Variants in MED12L observed in about 807,000 individuals in gnomAD.
The protein encoded by MED12L is mediator complex subunit 12L, also known as mediator of RNA polymerase II transcription subunit 12-like protein.
MED12L carries 60 observed loss-of-function variants against 281.3 expected under a neutral mutation model. The ratio of observed to expected loss-of-function variants is 0.21; its 90% CI spans 0.17 to 0.26. MED12L has a LOEUF of 0.26. Ranked by LOEUF, MED12L falls within the 10% of genes least tolerant of loss-of-function variation. The probability of loss-of-function intolerance (pLI) is 1.00; values close to 1 mark genes in which losing one functional copy is unlikely to be tolerated. For synonymous variants in MED12L, 974 were observed against 987.2 expected (o/e 0.99, Z 0.25); for missense variants, 2,146 against 2,680.9 (o/e 0.80, Z 4.41).
intron 5 of MED12L, among the ~76,000 whole-genome samples, chr3:151,143,725 G>A (rs1018958015): frequency 3.3e-5 from 5 of 152,120 alleles, no homozygotes; most frequent in African/African-American, 1.2e-4. Context: ...GCACAGAGGT[G>A]TGTTCTCTAC....
chr3:151,168,919 G>T (rs772434332), intron 11 of MED12L, among the ~76,000 whole-genome samples: 4 of 152,200 alleles, frequency 2.6e-5, no homozygotes, highest in Non-Finnish European at 5.9e-5. Context: ...TGCCTCAAGT[G>T]ATCCATCTGC....
At chr3:151,329,891 A>C (rs189295895) in intron 16 of MED12L, among the ~76,000 whole-genome samples, 25 of 152,282 alleles carry the variant, frequency 1.6e-4, no homozygotes, top group Non-Finnish European at 8.8e-5. Context: ...AATCAGACAG[A>C]ATAATCTTCT....
At chr3:151,372,855 G>A in intron 27 of MED12L, 89 bp downstream of exon 27, 3 of 953,218 alleles carry the variant, frequency 3.1e-6, no homozygotes, top group Non-Finnish European at 4.7e-6. Context: ...TTGTGCATAG[G>A]TGGGCCTTTT....
At chr3:151,171,033 C>CA (rs1721360172) in intron 11 of MED12L, among the ~76,000 whole-genome samples, 1 of 152,230 alleles carries the variant, frequency 6.6e-6, no homozygotes, top group African/African-American at 2.4e-5. Context: ...ACTGTGCAGC[C>CA]AGGCAGTGTG....
chr3:151,406,148 T>C (rs1156467189), intron 39 of MED12L, among the ~76,000 whole-genome samples: 1 of 152,240 alleles, frequency 6.6e-6, no homozygotes, highest in Non-Finnish European at 1.5e-5. Flanking sequence ...TTGGATGACA[T>C]GTTAGATAGT....
In MED12L at chr3:151,413,147, A is replaced by G; in HGVS notation, c.6149A>G (p.His2050Arg). The G allele has an allele frequency of 6.2e-7, 1 of 1,612,722 alleles. No homozygotes were observed. The highest frequency in any genetic ancestry group is 8.5e-7 in the Non-Finnish European group (1 of 1,178,818). The change falls in exon 42 of 45, where the codon CAT (histidine) becomes CGT (arginine). Residue 2050 changes from histidine to arginine, a missense_variant. Coordinates refer to ENST00000687756, the MANE Select transcript of MED12L (RefSeq NM_001393769.1). ...GCATTATTCTTTGCCAGACTGAACC[A>G]TCAGGCTCTACAGCAGAGCCCTCTG... ...QPLTGSQRLN[H>R]QALQQSPLVG...
intron 4 of MED12L, among the ~76,000 whole-genome samples, chr3:151,124,066 T>A (rs1260405106): frequency 6.6e-6 from 1 of 152,230 alleles, no homozygotes; most frequent in African/African-American, 2.4e-5. Context: ...GGCCTATGAA[T>A]TGTATCTGAA....
At chr3:151,092,930 T>C (rs1720247834) in intron 2 of MED12L, among the ~76,000 whole-genome samples, 1 of 152,188 alleles carries the variant, frequency 6.6e-6, no homozygotes. Flanking sequence ...CCTGCTGTTT[T>C]CAGCTTCTCA....
chr3:151,181,103 A>G (rs1375712780), intron 11 of MED12L, among the ~76,000 whole-genome samples: 1 of 151,694 alleles, frequency 6.6e-6, no homozygotes, highest in Non-Finnish European at 1.5e-5. Context: ...TTTTAAAGCC[A>G]TTTGGAGATT....
At chr3:151,113,969 T>C (rs188192902) in intron 2 of MED12L, among the ~76,000 whole-genome samples, 2 of 152,324 alleles carry the variant, frequency 1.3e-5, no homozygotes, top group East Asian at 3.9e-4. Flanking sequence ...CATATGCTGT[T>C]ACTCAATGTT....
intron 16 of MED12L, among the ~76,000 whole-genome samples, chr3:151,320,258 G>A (rs1748839182): frequency 6.6e-6 from 1 of 152,066 alleles, no homozygotes; most frequent in Non-Finnish European, 1.5e-5. Context: ...ACATATAAAG[G>A]GCGTCATAGT....
intron 6 of MED12L, 90 bp from the exon 7 acceptor site, chr3:151,158,599 G>A (rs1719587353): frequency 1.3e-6 from 1 of 757,064 alleles, no homozygotes; most frequent in Admixed American, 2.4e-5. Context: ...AAAAACAGTA[G>A]TACAGTTAGA....
intron 36 of MED12L, among the ~76,000 whole-genome samples, chr3:151,387,108 G>A (rs746533658): frequency 6.6e-6 from 1 of 152,142 alleles, no homozygotes; most frequent in Non-Finnish European, 1.5e-5. Context: ...TTATTTGGGG[G>A]CCATTTAAGG....
At chr3:151,191,438 AGT>A (rs1723969307) in intron 14 of MED12L, among the ~76,000 whole-genome samples, 2 of 152,236 alleles carry the variant, frequency 1.3e-5, no homozygotes, top group Admixed American at 6.5e-5. Flanking sequence ...ATGTTGTAGA[AGT>A]GTCCTTTTCA....
chr3:151,388,199 T>C lies in MED12L; in HGVS notation c.5451+27T>C, dbSNP rs764018167. 16 of 1,565,420 alleles carry C rather than the reference T, an allele frequency of 1.0e-5. No individual in the cohort carries two copies. In the South Asian group the frequency reaches 1.9e-4, roughly 18 times the overall value. Reference sequence around the variant, plus strand: ...TAAGTGGGGAAAGGAAGGAGAACCTTGGCTCATTAGCATTTAGTATGAGAT... The same window carrying C: ...TAAGTGGGGAAAGGAAGGAGAACCTCGGCTCATTAGCATTTAGTATGAGAT... On this transcript the variant is annotated intron_variant, in intron 37 of 44. Coordinates refer to ENST00000687756, the MANE Select transcript of MED12L (RefSeq NM_001393769.1).
chr3:151,216,047 A>G (rs934961755), intron 16 of MED12L, among the ~76,000 whole-genome samples: 6 of 152,152 alleles, frequency 3.9e-5, no homozygotes, highest in African/African-American at 1.4e-4. Context: ...GTGTGTGCTT[A>G]TCATCCTGTG....
chr3:151,403,492 C>G (rs141262815), intron 39 of MED12L, among the ~76,000 whole-genome samples: 108 of 152,284 alleles, frequency 7.1e-4, no homozygotes, highest in Middle Eastern at 3.4e-3. Context: ...CTGGCTATTC[C>G]CAAAATCTCA....
intron 16 of MED12L, among the ~76,000 whole-genome samples, chr3:151,194,519 C>G (rs1724395259): frequency 1.3e-5 from 2 of 152,130 alleles, no homozygotes; most frequent in South Asian, 4.1e-4. Flanking sequence ...TGGGCCCCTT[C>G]CACTCTCAAA....
At chr3:151,319,468 CGTGTGTGTGTGTGTGTGTGT>C (rs34335179) in intron 16 of MED12L, among the ~76,000 whole-genome samples, 7 of 145,656 alleles carry the variant, frequency 4.8e-5, no homozygotes, top group East Asian at 4.1e-4. Context: ...TGTGTGTGTG[CGTGTGTGTGTGTGTGTGTGT>C]GTGTGTGTGT....
Sources: gnomAD v4.1 joint callset for allele counts (sites outside exome capture counted in the v4.1 genomes callset) on GRCh38, gnomAD v4.1.1 for gene constraint, MANE v1.5 for transcripts, NCBI Gene and HGNC (gene_info 2026-07-23, HGNC 2026-07-21) for gene names.